Variants in NRG3 observed in about 807,000 individuals in gnomAD.
NRG3 encodes the protein pro-neuregulin-3, membrane-bound isoform.
NRG3 carries 31 observed loss-of-function variants against 66.9 expected under a neutral mutation model. The ratio of observed to expected loss-of-function variants is 0.46; its 90% CI spans 0.35 to 0.63. The LOEUF is 0.63. NRG3 is among the 20% of genes least tolerant of loss of function. The pLI, the probability that NRG3 is intolerant of heterozygous loss-of-function variation, is 0.00. For missense variants in NRG3, 910 were observed against 878.9 expected (o/e 1.04, Z -0.45); for synonymous variants, 393 against 359.4 (o/e 1.09, Z -1.06).
intron 2 of NRG3, among the ~76,000 whole-genome samples, chr10:82,417,103 C>T (rs1258087340): frequency 6.6e-6 from 1 of 152,148 alleles, no homozygotes; most frequent in East Asian, 1.9e-4. Context: ...CATTCTTTCC[C>T]TTCAGCTCCA....
At chr10:82,166,870 A>T in intron 1 of NRG3, 2 of 618,188 alleles carry the variant, frequency 3.2e-6, no homozygotes, top group Non-Finnish European at 2.9e-6. Context: ...ACTGAAAGGT[A>T]TTTTTTTCTC....
chr10:82,896,412 G>C (rs1362677494), intron 4 of NRG3, among the ~76,000 whole-genome samples: 2 of 152,158 alleles, frequency 1.3e-5, no homozygotes, highest in South Asian at 4.1e-4. Context: ...GAGGAATCAA[G>C]GATCTGTAGA....
intron 1 of NRG3, chr10:82,232,932 G>A (rs1485026065): frequency 2.9e-6 from 2 of 678,262 alleles, no homozygotes; most frequent in African/African-American, 1.8e-5. Flanking sequence ...GGAAACAGGA[G>A]TGTTCTCTAG....
intron 2 of NRG3, among the ~76,000 whole-genome samples, chr10:82,721,571 C>G (rs934861031): frequency 3.3e-5 from 5 of 152,120 alleles, no homozygotes; most frequent in African/African-American, 1.2e-4. Context: ...TACAGGCACC[C>G]TCCGCCACAC....
At chr10:82,959,207 C>A in intron 6 of NRG3, 132 bp downstream of exon 6, 1 of 1,008,082 alleles carries the variant, frequency 9.9e-7, no homozygotes, top group Non-Finnish European at 1.4e-6. Context: ...ATCGTTTTAA[C>A]AGTTCTGGGC....
chr10:81,885,915 G>A (rs574464650), intron 1 of NRG3, among the ~76,000 whole-genome samples: 1 of 152,224 alleles, frequency 6.6e-6, no homozygotes, highest in Admixed American at 6.5e-5. Flanking sequence ...AAAATGGGCT[G>A]TAGAAATGTT....
At chr10:82,936,920 T>G (rs759964819) in intron 4 of NRG3, among the ~76,000 whole-genome samples, 18 of 152,126 alleles carry the variant, frequency 1.2e-4, no homozygotes, top group Non-Finnish European at 2.1e-4. Context: ...CATATATCCT[T>G]AAGATAAATC....
intron 2 of NRG3, among the ~76,000 whole-genome samples, chr10:82,640,669 C>T (rs1013567762): frequency 2.0e-5 from 3 of 151,896 alleles, no homozygotes; most frequent in African/African-American, 7.3e-5. Flanking sequence ...GAAAAAAATG[C>T]AATAAAAGTG....
rs2052844799 is a variant in NRG3 at position 82,667,019 on chromosome 10, G to T, written c.954-71558G>T. On this transcript the variant is annotated intron_variant, in intron 2 of 8. Transcript: ENST00000372141. Reference sequence around the variant, plus strand: ...ATCTTTGGGAGTTTGAACAGCACCTGATTTAAGTTGAAAGAAGCAGAGTTC... The same window carrying T: ...ATCTTTGGGAGTTTGAACAGCACCTTATTTAAGTTGAAAGAAGCAGAGTTC... Among the ~76,000 whole-genome samples, 3 of 152,304 alleles carry T rather than the reference G, an allele frequency of 2.0e-5. No homozygotes were observed. In the South Asian group the frequency reaches 6.2e-4, roughly 32 times the overall value.
At chr10:81,991,025 C>G (rs915094168) in intron 1 of NRG3, among the ~76,000 whole-genome samples, 1 of 152,058 alleles carries the variant, frequency 6.6e-6, no homozygotes, top group Admixed American at 6.6e-5. Context: ...CCTCCATTGC[C>G]CTTTTCAACT....
At chr10:82,092,712 T>C (rs1311748827) in intron 1 of NRG3, among the ~76,000 whole-genome samples, 1 of 152,218 alleles carries the variant, frequency 6.6e-6, no homozygotes, top group Non-Finnish European at 1.5e-5. Context: ...AAGGAGATAC[T>C]ATGTCTTTCT....
At chr10:81,963,661 G>A (rs1166941160) in intron 1 of NRG3, among the ~76,000 whole-genome samples, 2 of 152,100 alleles carry the variant, frequency 1.3e-5, no homozygotes, top group Non-Finnish European at 2.9e-5. Flanking sequence ...CCACGTCCCC[G>A]CTTGGACTGT....
In NRG3 at chr10:82,745,645, A is replaced by G. The variant is rs530162978; in HGVS notation, c.1027+6995A>G. Among the ~76,000 whole-genome samples the G allele has an allele frequency of 1.6e-4, 24 of 152,282 alleles. No individual in the cohort carries two copies. In the South Asian group the frequency reaches 4.1e-3, roughly 26 times the overall value. On this transcript the variant is annotated intron_variant, in intron 3 of 8. Transcript: ENST00000372141. Reference sequence around the variant, plus strand: ...AAACCCATTAATTCTGTCAGGTTGTATATTTTTATATATTTGATTGCTAAT... The same window carrying G: ...AAACCCATTAATTCTGTCAGGTTGTGTATTTTTATATATTTGATTGCTAAT...
At chr10:82,061,954 T>C (rs2064177840) in intron 1 of NRG3, among the ~76,000 whole-genome samples, 1 of 152,172 alleles carries the variant, frequency 6.6e-6, no homozygotes, top group Admixed American at 6.5e-5. Context: ...AAAGCAATTA[T>C]ATATAGAAAT....
chr10:82,105,985 T>C (rs1317050756), intron 1 of NRG3, among the ~76,000 whole-genome samples: 1 of 152,212 alleles, frequency 6.6e-6, no homozygotes, highest in African/African-American at 2.4e-5. Flanking sequence ...GGGATATTTA[T>C]TACAACAAAG....
At chr10:81,896,905 CA>C (rs1843581942) in intron 1 of NRG3, among the ~76,000 whole-genome samples, 2 of 152,294 alleles carry the variant, frequency 1.3e-5, no homozygotes, top group Admixed American at 1.3e-4. Context: ...TCAAACCCAA[CA>C]CCCCTGGAGC....
intron 1 of NRG3, among the ~76,000 whole-genome samples, chr10:82,126,547 T>C (rs1564587008): frequency 6.6e-6 from 1 of 152,100 alleles, no homozygotes; most frequent in Non-Finnish European, 1.5e-5. Context: ...ATTGAAATTA[T>C]CACTTCATTC....
intron 2 of NRG3, among the ~76,000 whole-genome samples, chr10:82,678,211 C>T (rs1032282715): frequency 2.0e-5 from 3 of 152,130 alleles, no homozygotes; most frequent in African/African-American, 7.2e-5. Context: ...GTGAAGAGAC[C>T]ACCAAACAGG....
chr10:82,385,647 G>A (rs528883223), intron 2 of NRG3, among the ~76,000 whole-genome samples: 2 of 152,248 alleles, frequency 1.3e-5, no homozygotes, highest in African/African-American at 4.8e-5. Flanking sequence ...GTAAGTATGC[G>A]AGAGTATATG....
Sources: allele counts gnomAD v4.1 joint callset (sites outside exome capture counted in the v4.1 genomes callset), GRCh38; gene constraint gnomAD v4.1.1; transcripts MANE v1.5; gene names NCBI Gene and HGNC (gene_info 2026-07-23, HGNC 2026-07-21).